The following PPFIA2 variants were observed in gnomAD, a reference collection of about 807,000 sequenced individuals.
The protein encoded by PPFIA2 is liprin-alpha-2.
A neutral mutation model predicts 175.5 loss-of-function variants in PPFIA2; 46 were observed. The ratio of observed to expected loss-of-function variants is 0.26; its 90% CI spans 0.21 to 0.34. The LOEUF (loss-of-function observed/expected upper bound fraction) is 0.34, where lower values mean the gene tolerates loss of function less well. Ranked by LOEUF, PPFIA2 falls within the 10% of genes least tolerant of loss-of-function variation. The pLI is 1.00. For synonymous variants in PPFIA2, 568 were observed against 511.4 expected, an observed-to-expected ratio of 1.11 and a Z score of -1.49; for missense variants, 1,179 against 1,506.1, an observed-to-expected ratio of 0.78 and a Z score of 3.60.
Position 81,358,337 on chromosome 12 carries a change from A to G in PPFIA2, c.1638-120T>C. 6 of 973,918 alleles carry G rather than the reference A, an allele frequency of 6.2e-6. No individual in the cohort carries two copies. In the South Asian group the frequency reaches 9.3e-5, roughly 15 times the overall value. The allele number at this position is 973,918 out of a possible 1,614,324, so 60.3% of individuals were successfully genotyped here. A position where few individuals can be genotyped will look rare whatever the true frequency, so the allele number is the denominator to read the frequency against. ...TCCTCAAGGAAATAAACCTCAAGAAAGATAACCGATAAATTGTCATGACTC... is the reference window on the plus strand; with the variant it reads ...TCCTCAAGGAAATAAACCTCAAGAAGGATAACCGATAAATTGTCATGACTC... On this transcript the variant is annotated intron_variant, in intron 15 of 32. Transcript: ENST00000549396.
intron 4 of PPFIA2, among the ~76,000 whole-genome samples, chr12:81,590,053 T>C (rs2058495873): frequency 1.3e-5 from 2 of 152,158 alleles, no homozygotes; most frequent in Admixed American, 6.6e-5. Context: ...ATCTCTTGTA[T>C]TATCTCTGCC....
At chr12:81,604,592 G>GA (rs1008231969) in intron 4 of PPFIA2, among the ~76,000 whole-genome samples, 9 of 77,960 alleles carry the variant, frequency 1.2e-4, no homozygotes, top group Non-Finnish European at 2.5e-4. Context: ...TATTTCAATC[G>GA]AAAATTATAT....
At chr12:81,446,975 AT>A in intron 5 of PPFIA2, among the ~76,000 whole-genome samples, 1 of 152,104 alleles carries the variant, frequency 6.6e-6, no homozygotes, top group Non-Finnish European at 1.5e-5. Flanking sequence ...CTAAACATGC[AT>A]AAATCAGTAG....
chr12:81,383,016 G>T (rs2038091246), intron 9 of PPFIA2, among the ~76,000 whole-genome samples: 1 of 152,148 alleles, frequency 6.6e-6, no homozygotes, highest in African/African-American at 2.4e-5. Flanking sequence ...TATGAGCCCA[G>T]TGAAGAAGTC....
chr12:81,422,154 G>GTATATATA (rs533555962), intron 7 of PPFIA2, among the ~76,000 whole-genome samples: 2 of 70,672 alleles, frequency 2.8e-5, no homozygotes, highest in African/African-American at 1.5e-4. Flanking sequence ...ATATATGTGT[G>GTATATATA]TATATATATA....
At chr12:81,409,314 T>G (rs1384521742) in intron 7 of PPFIA2, among the ~76,000 whole-genome samples, 1 of 152,168 alleles carries the variant, frequency 6.6e-6, no homozygotes, top group Non-Finnish European at 1.5e-5. Context: ...TGCTATGGTT[T>G]AAATGTTCCC....
At chr12:81,324,912 A>C (rs1187504781) in intron 22 of PPFIA2, among the ~76,000 whole-genome samples, 2 of 152,024 alleles carry the variant, frequency 1.3e-5, no homozygotes, top group African/African-American at 4.8e-5. Flanking sequence ...ATTAGTAAAC[A>C]TTTACAAAGC....
chr12:81,327,166 A>C (rs1196552278), intron 21 of PPFIA2, among the ~76,000 whole-genome samples: 1 of 152,098 alleles, frequency 6.6e-6, no homozygotes, highest in Non-Finnish European at 1.5e-5. Context: ...CTTTTTACTG[A>C]ACTATATAAT....
chr12:81,511,609 T>C (rs2061807094), intron 4 of PPFIA2, among the ~76,000 whole-genome samples: 2 of 152,024 alleles, frequency 1.3e-5, no homozygotes, highest in South Asian at 4.1e-4. Flanking sequence ...GTAGGTTCTG[T>C]GAGGGGAAAA....
intron 9 of PPFIA2, 64 bp downstream of exon 9, chr12:81,383,959 T>C: frequency 7.6e-7 from 1 of 1,313,998 alleles, no homozygotes; most frequent in East Asian, 2.3e-5. Context: ...CGGGAAATTA[T>C]GGAAACAGTA....
intron 22 of PPFIA2, among the ~76,000 whole-genome samples, chr12:81,317,189 G>C (rs7958028): frequency 0.36 from 54,155 of 151,276 alleles, 10,567 homozygotes; most frequent in East Asian, 0.54. Context: ...AAGGAGGTAA[G>C]AGTAATCAGG....
rs1555549952 is a variant in PPFIA2 at position 81,642,810 on chromosome 12, T to TATGATGTATACATTATA, written c.303+33980_303+33981insTATAATGTATACATCAT. Among the ~76,000 whole-genome samples the TATGATGTATACATTATA allele has an allele frequency of 1.2e-4, 3 of 24,682 alleles. 1 individual carries two copies. Among genetic ancestry groups the TATGATGTATACATTATA allele is most frequent in the Admixed American group, 1.2e-3 (2 of 1,624 alleles). The allele number at this position is 24,682 out of a possible 152,430, so 16.2% of individuals were successfully genotyped here. A position where few individuals can be genotyped will look rare whatever the true frequency, so the allele number is the denominator to read the frequency against. On this transcript the variant is annotated intron_variant, in intron 4 of 32. Coordinates refer to ENST00000549396, the MANE Select transcript of PPFIA2 (RefSeq NM_003625.5). ...ACATACATGTATATGTATGTATGTATTACATACATGTATATGTATGTATGT... is the reference window on the plus strand; with the variant it reads ...ACATACATGTATATGTATGTATGTATATGATGTATACATTATATACATACATGTATATGTATGTATGT...
intron 7 of PPFIA2, among the ~76,000 whole-genome samples, chr12:81,437,528 T>C (rs2049303060): frequency 6.6e-6 from 1 of 152,140 alleles, no homozygotes; most frequent in African/African-American, 2.4e-5. Flanking sequence ...CCACCACACC[T>C]GGCCTATGGG....
intron 4 of PPFIA2, among the ~76,000 whole-genome samples, chr12:81,529,354 T>C (rs1450323653): frequency 6.6e-6 from 1 of 152,044 alleles, no homozygotes; most frequent in East Asian, 1.9e-4. Flanking sequence ...TTTTTCAGCA[T>C]CAAGTGATAA....
chr12:81,392,859 G>A (rs1038740866), intron 8 of PPFIA2, among the ~76,000 whole-genome samples: 2 of 151,878 alleles, frequency 1.3e-5, no homozygotes, highest in African/African-American at 2.4e-5. Context: ...AAAAACGGTG[G>A]AGTCATCCTT....
intron 4 of PPFIA2, among the ~76,000 whole-genome samples, chr12:81,661,388 G>C (rs1350407529): frequency 2.0e-5 from 3 of 152,044 alleles, no homozygotes; most frequent in Non-Finnish European, 4.4e-5. Context: ...AAAAAGGCAG[G>C]GTTTGCAATC....
At chr12:81,472,855 C>T (rs1307788401) in intron 4 of PPFIA2, 1 of 152,198 alleles carries the variant, frequency 6.6e-6, no homozygotes, top group East Asian at 1.9e-4. Flanking sequence ...CTATGAGTAT[C>T]TTGCTGGTCA....
chr12:81,632,620 T>C (rs2063517730), intron 4 of PPFIA2, among the ~76,000 whole-genome samples: 1 of 152,186 alleles, frequency 6.6e-6, no homozygotes, highest in Non-Finnish European at 1.5e-5. Context: ...GCCTTTCCAA[T>C]TCTCTTGCTG....
chr12:81,550,364 C>T (rs2067711015), intron 4 of PPFIA2, among the ~76,000 whole-genome samples: 1 of 151,834 alleles, frequency 6.6e-6, no homozygotes, highest in South Asian at 2.1e-4. Flanking sequence ...CATTCCAGAT[C>T]CAGGGAAAAC....
Sources: allele counts gnomAD v4.1 joint callset (sites outside exome capture counted in the v4.1 genomes callset), GRCh38; gene constraint gnomAD v4.1.1; transcripts MANE v1.5; gene names NCBI Gene and HGNC (gene_info 2026-07-23, HGNC 2026-07-21).